PPIL4: variants seen among roughly 807,000 people sequenced by gnomAD.
PPIL4 encodes peptidyl-prolyl cis-trans isomerase-like 4.
A neutral mutation model predicts 69.1 loss-of-function variants in PPIL4; 50 were observed. The ratio of observed to expected loss-of-function variants is 0.72; its 90% CI spans 0.58 to 0.92. PPIL4 has a LOEUF of 0.92. PPIL4 is among the 40% of genes least tolerant of loss of function. PPIL4 has a pLI of 0.00. For missense variants in PPIL4, 480 were observed against 587.9 expected, an observed-to-expected ratio of 0.82 and a Z score of 1.90; for synonymous variants, 193 against 191.6, an observed-to-expected ratio of 1.01 and a Z score of -0.06.
At chr6:149,526,038 GCA>G (rs1471860693) in intron 8 of PPIL4, among the ~76,000 whole-genome samples, 14 of 152,156 alleles carry the variant, frequency 9.2e-5, no homozygotes, top group African/African-American at 3.1e-4. Flanking sequence ...GGCAGAGGTT[GCA>G]GTGAGCCGAG....
In PPIL4 at chr6:149,505,447, C is replaced by T; in HGVS notation, c.*6G>A. The T allele has an allele frequency of 4.4e-6, 7 of 1,607,678 alleles. No individual in the cohort carries two copies. The highest frequency in any genetic ancestry group is 1.3e-5 in the African/African-American group (1 of 74,488). ...TGTTAGCCTCTCAATTCTGCCTCTT[C>T]ATCTTTCATCTATACTTAGATTTTT... On this transcript the variant is annotated 3_prime_UTR_variant, in exon 13 of 13. Coordinates refer to ENST00000253329, the MANE Select transcript of PPIL4 (RefSeq NM_139126.4).
At chr6:149,525,276 T>C (rs1777090797) in intron 8 of PPIL4, 67 bp from the exon 9 acceptor site, 2 of 764,504 alleles carry the variant, frequency 2.6e-6, no homozygotes, top group Admixed American at 2.6e-5. Flanking sequence ...CTCTCACTCT[T>C]CAAAACTGAA....
At position 149,536,355 on chromosome 6, in the gene PPIL4, T is replaced by C. The variant is rs546465913; in HGVS notation, c.322-617A>G. ...ACATCTCTTACTTTAAATCAAAAGC[T>C]AAAAATGATTAAGCATAGTGAGAAA... On this transcript the variant is annotated intron_variant, in intron 4 of 12. Transcript: ENST00000253329. Among the ~76,000 whole-genome samples the C allele has an allele frequency of 6.2e-4, 95 of 152,158 alleles. 1 individual carries two copies. The highest frequency in any genetic ancestry group is 2.1e-3 in the African/African-American group (89 of 41,502).
chr6:149,505,606 A>G lies in PPIL4; in HGVS notation c.1326T>C (p.Ser442=). Reference sequence around the variant, plus strand: ...CATCCCTCTCTCGAGATCGGCTACGACTTCGGTTCTGAGTTCGGTCTCTCT... The same window carrying G: ...CATCCCTCTCTCGAGATCGGCTACGGCTTCGGTTCTGAGTTCGGTCTCTCT... ...SEKRDRTQNR[S]RSRSRERDGH... is the part of the protein sequence containing the mutation. The change falls in exon 13 of 13, where the codon AGT becomes AGC. Residue 442 remains serine (S), a synonymous_variant. Coordinates refer to ENST00000253329, the MANE Select transcript of PPIL4 (RefSeq NM_139126.4). 1 of 1,614,112 alleles carries G rather than the reference A, an allele frequency of 6.2e-7. No individual in the cohort carries two copies. The highest frequency in any genetic ancestry group is 8.5e-7 in the Non-Finnish European group (1 of 1,180,004).
intron 4 of PPIL4, among the ~76,000 whole-genome samples, chr6:149,540,234 T>G (rs1777339586): frequency 1.3e-5 from 2 of 152,108 alleles, no homozygotes; most frequent in Non-Finnish European, 2.9e-5. Context: ...AACAAGTAGG[T>G]CATTGGGAGA....
intron 9 of PPIL4, among the ~76,000 whole-genome samples, chr6:149,524,254 T>C (rs895690986): frequency 5.3e-5 from 8 of 152,190 alleles, no homozygotes; most frequent in African/African-American, 1.9e-4. Context: ...GTTAACTTAT[T>C]TGGAAAAGGG....
intron 1 of PPIL4, 74 bp downstream of exon 1, chr6:149,545,862 A>C: frequency 7.7e-5 from 100 of 1,291,514 alleles, no homozygotes; most frequent in Non-Finnish European, 1.0e-4. Flanking sequence ...TCTGCCCTGG[A>C]CTGCGCAGAG....
At chr6:149,524,968 T>C (rs141247005) in intron 9 of PPIL4, among the ~76,000 whole-genome samples, 175 bp downstream of exon 9, 33 of 152,194 alleles carry the variant, frequency 2.2e-4, no homozygotes, top group African/African-American at 7.9e-4. Context: ...AAAGTACGTA[T>C]GTTAACATCA....
At chr6:149,515,608 G>T (rs911008658) in intron 11 of PPIL4, among the ~76,000 whole-genome samples, 3 of 152,118 alleles carry the variant, frequency 2.0e-5, no homozygotes, top group Non-Finnish European at 4.4e-5. Flanking sequence ...ATGTGGGCAG[G>T]AACTGAATAT....
chr6:149,541,317 GTAAA>G (rs146577244), intron 3 of PPIL4, 46 bp downstream of exon 3: 35,837 of 752,506 alleles, frequency 0.048, 3,294 homozygotes, highest in African/African-American at 0.33. Context: ...GAGGTTAAAA[GTAAA>G]TAAATAAATA....
intron 5 of PPIL4, among the ~76,000 whole-genome samples, chr6:149,535,354 T>C (rs1777260047): frequency 6.6e-6 from 1 of 152,132 alleles, no homozygotes; most frequent in Non-Finnish European, 1.5e-5. Flanking sequence ...AGACTCCGTC[T>C]CAAAAAATAA....
intron 6 of PPIL4, 24 bp from the exon 7 acceptor site, chr6:149,533,598 G>C: frequency 7.6e-7 from 1 of 1,311,004 alleles, no homozygotes; most frequent in Non-Finnish European, 1.1e-6. Context: ...AGTTACTCAT[G>C]TATATATTTA....
intron 5 of PPIL4, 143 bp downstream of exon 5, chr6:149,535,453 C>T (rs577682806): frequency 6.1e-5 from 27 of 440,018 alleles, no homozygotes; most frequent in South Asian, 3.2e-4. Flanking sequence ...AAGATTCTTA[C>T]AGTCTTATAT....
chr6:149,529,794 A>G (rs1056451501), intron 7 of PPIL4, among the ~76,000 whole-genome samples: 3 of 151,554 alleles, frequency 2.0e-5, no homozygotes, highest in African/African-American at 7.3e-5. Flanking sequence ...GAAAGAAAAG[A>G]AAGAAAAAGA....
chr6:149,524,037 C>A (rs571484229), intron 9 of PPIL4, among the ~76,000 whole-genome samples: 1 of 152,164 alleles, frequency 6.6e-6, no homozygotes, highest in Non-Finnish European at 1.5e-5. Context: ...AAAAGGTATT[C>A]CATAAATGCT....
At chr6:149,512,837 G>A (rs1049356843) in intron 11 of PPIL4, among the ~76,000 whole-genome samples, 1 of 151,982 alleles carries the variant, frequency 6.6e-6, no homozygotes, top group African/African-American at 2.4e-5. Flanking sequence ...CCGCCTCTCA[G>A]GTTCAAGCAA....
chr6:149,530,826 G>C (rs1777184557), intron 7 of PPIL4, among the ~76,000 whole-genome samples: 1 of 152,114 alleles, frequency 6.6e-6, no homozygotes, highest in Non-Finnish European at 1.5e-5. Context: ...GAAATTTATG[G>C]GGGAAATTTG....
At position 149,525,173 on chromosome 6, in the gene PPIL4, G is replaced by A; in HGVS notation, c.840C>T (p.Ser280=). Reference sequence around the variant, plus strand: ...CAAATTCAATAAAAGCGTAACAGAGGGACTCTCCTGTCTTCCAGTCTCGGA... The same window carrying A: ...CAAATTCAATAAAAGCGTAACAGAGAGACTCTCCTGTCTTCCAGTCTCGGA... ...EVIRDWKTGE[S]LCYAFIEFEK... The change falls in exon 9 of 13, where the codon TCC becomes TCT. Residue 280 remains serine (S), a synonymous_variant. Transcript: ENST00000253329. 1.3e-6 allele frequency: 2 copies of A among 1,564,194 alleles called. No individual in the cohort carries two copies. The highest frequency in any genetic ancestry group is 1.8e-5 in the Admixed American group (1 of 56,670).
At chr6:149,535,024 T>C (rs776220791) in intron 5 of PPIL4, among the ~76,000 whole-genome samples, 33 of 152,344 alleles carry the variant, frequency 2.2e-4, no homozygotes, top group Middle Eastern at 3.4e-3. Flanking sequence ...CTTAGTACTT[T>C]TGCCCTACTT....
Sources: gnomAD v4.1 joint callset for allele counts (sites outside exome capture counted in the v4.1 genomes callset) on GRCh38, gnomAD v4.1.1 for gene constraint, MANE v1.5 for transcripts, NCBI Gene and HGNC (gene_info 2026-07-23, HGNC 2026-07-21) for gene names.